The following KIAA1217 variants were observed in gnomAD, a reference collection of about 807,000 sequenced individuals.
KIAA1217 encodes KIAA1217.
A neutral mutation model predicts 163.9 loss-of-function variants in KIAA1217; 88 were observed. The observed-to-expected ratio is 0.54, with a 90% CI of 0.45 to 0.64. KIAA1217 has a LOEUF of 0.64. Among genes scored for constraint, KIAA1217 ranks in the 30% least tolerant of loss-of-function variants. The pLI is 0.00. For missense variants in KIAA1217, 2,372 were observed against 2,475.0 expected (o/e 0.96, Z 0.88); for synonymous variants, 903 against 923.1 (o/e 0.98, Z 0.39).
At chr10:24,180,995 T>G (rs896761372) in intron 2 of KIAA1217, among the ~76,000 whole-genome samples, 1 of 152,230 alleles carries the variant, frequency 6.6e-6, no homozygotes, top group African/African-American at 2.4e-5. Flanking sequence ...TTCCTCTGTA[T>G]AGTGAAGTTT....
At chr10:23,817,684 G>C (rs937888817) in intron 1 of KIAA1217, among the ~76,000 whole-genome samples, 1 of 152,018 alleles carries the variant, frequency 6.6e-6, no homozygotes, top group African/African-American at 2.4e-5. Flanking sequence ...ACAGGTTTTT[G>C]AGAGAAGAAA....
In KIAA1217 at chr10:24,227,528, A is replaced by G. The variant is rs575220012; in HGVS notation, c.354+7619A>G. Among the ~76,000 whole-genome samples, 5 of 148,698 alleles carry G rather than the reference A, an allele frequency of 3.4e-5. No homozygotes were observed. In the East Asian group the frequency reaches 1.0e-3, roughly 30 times the overall value. On this transcript the variant is annotated intron_variant, in intron 2 of 20. Transcript: ENST00000376454. Reference sequence around the variant, plus strand: ...AGATAAGAAAATGAACACCAATATGAGCACTTTTTTTTTCTTTTTTTTGAG... The same window carrying G: ...AGATAAGAAAATGAACACCAATATGGGCACTTTTTTTTTCTTTTTTTTGAG...
chr10:24,141,172 A>G (rs1012618389), intron 2 of KIAA1217, among the ~76,000 whole-genome samples: 4 of 147,196 alleles, frequency 2.7e-5, no homozygotes, highest in Non-Finnish European at 6.0e-5. Context: ...GAATCCCCTT[A>G]TTTCTGGCTC....
intron 2 of KIAA1217, among the ~76,000 whole-genome samples, chr10:24,358,970 A>G (rs11014053): frequency 0.39 from 59,824 of 151,908 alleles, 12,767 homozygotes; most frequent in Middle Eastern, 0.48. Flanking sequence ...CATTGGCCAC[A>G]TAGTACCTGA....
At chr10:24,184,122 A>G (rs2066310913) in intron 2 of KIAA1217, among the ~76,000 whole-genome samples, 2 of 152,234 alleles carry the variant, frequency 1.3e-5, no homozygotes, top group Admixed American at 1.3e-4. Context: ...TTAGCTTTCA[A>G]CAGAGCCAGT....
At chr10:24,003,789 G>A (rs1468256070) in intron 1 of KIAA1217, among the ~76,000 whole-genome samples, 1 of 152,052 alleles carries the variant, frequency 6.6e-6, no homozygotes, top group African/African-American at 2.4e-5. Flanking sequence ...AGTCAAACAG[G>A]AAAATTGTGT....
At chr10:24,355,227 G>A (rs1011172281) in intron 2 of KIAA1217, among the ~76,000 whole-genome samples, 5 of 152,304 alleles carry the variant, frequency 3.3e-5, no homozygotes, top group Admixed American at 1.3e-4. Flanking sequence ...CCTCAGGATA[G>A]CAAGTCTCAC....
At chr10:24,097,333 C>G (rs552527444) in intron 2 of KIAA1217, among the ~76,000 whole-genome samples, 1 of 152,262 alleles carries the variant, frequency 6.6e-6, no homozygotes, top group African/African-American at 2.4e-5. Flanking sequence ...AGGAAGATCC[C>G]TTGAGCCTGG....
intron 1 of KIAA1217, among the ~76,000 whole-genome samples, chr10:23,834,760 G>A (rs1444621747): frequency 1.3e-5 from 2 of 152,094 alleles, no homozygotes; most frequent in African/African-American, 4.8e-5. Context: ...GAAGAATCAA[G>A]GACAACTCCA....
chr10:23,893,023 A>T (rs1841483435), intron 1 of KIAA1217, among the ~76,000 whole-genome samples: 2 of 151,656 alleles, frequency 1.3e-5, no homozygotes, highest in Admixed American at 6.6e-5. Flanking sequence ...GTTAGGGAGG[A>T]TTCTCTCTTT....
intron 1 of KIAA1217, among the ~76,000 whole-genome samples, chr10:23,866,853 T>C (rs921059452): frequency 3.3e-5 from 5 of 152,038 alleles, no homozygotes; most frequent in Non-Finnish European, 7.4e-5. Flanking sequence ...CTTTTTTTCT[T>C]TTATTATTAT....
At chr10:23,821,820 T>A (rs958099827) in intron 1 of KIAA1217, among the ~76,000 whole-genome samples, 1 of 152,242 alleles carries the variant, frequency 6.6e-6, no homozygotes, top group Admixed American at 6.5e-5. Flanking sequence ...CATGGTGTTC[T>A]GCAGTTCAAA....
intron 4 of KIAA1217, among the ~76,000 whole-genome samples, chr10:24,437,330 T>C (rs2060125952): frequency 6.6e-6 from 1 of 152,242 alleles, no homozygotes. Flanking sequence ...AAGCTTGGGC[T>C]AGTCATTGCT....
intron 1 of KIAA1217, among the ~76,000 whole-genome samples, chr10:23,934,619 A>ATTTTT (rs1219984756): frequency 1.5e-5 from 1 of 64,670 alleles, no homozygotes; most frequent in Non-Finnish European, 2.7e-5. Context: ...ATATATATAT[A>ATTTTT]TATATATTTT....
chr10:23,883,876 A>G (rs773761438), intron 1 of KIAA1217, among the ~76,000 whole-genome samples: 13 of 151,944 alleles, frequency 8.6e-5, no homozygotes, highest in Non-Finnish European at 1.5e-4. Flanking sequence ...ATCGCATTGT[A>G]TGTCTCTGAC....
At chr10:24,097,682 C>T (rs2062216770) in intron 2 of KIAA1217, among the ~76,000 whole-genome samples, 1 of 152,124 alleles carries the variant, frequency 6.6e-6, no homozygotes, top group African/African-American at 2.4e-5. Flanking sequence ...TAAATTGTCA[C>T]GGTGATGGAG....
Position 24,545,034 on chromosome 10 carries a change from G to A in KIAA1217, c.5265G>A (p.Lys1755=), listed in dbSNP as rs761601784. ...GGATGCCTGTCCCCATGAGTGCCAA[G>A]AACAGACCCGGAACCCTGGACAAAC... ...TSRMPVPMSA[K]NRPGTLDKPG... Residue 1755 remains lysine (K), a synonymous_variant, in exon 20 of 21, where the codon AAG becomes AAA. Transcript: ENST00000376454. The A allele has an allele frequency of 6.2e-7, 1 of 1,614,088 alleles. No individual in the cohort carries two copies. Among genetic ancestry groups the A allele is most frequent in the East Asian group, 2.2e-5 (1 of 44,880 alleles).
intron 5 of KIAA1217, among the ~76,000 whole-genome samples, chr10:24,445,478 C>T (rs1238086645): frequency 6.6e-6 from 1 of 150,910 alleles, no homozygotes; most frequent in African/African-American, 2.4e-5. Context: ...GTGTGCTGCA[C>T]CCATTAACTC....
chr10:24,257,821 C>T (rs980553532), intron 2 of KIAA1217, among the ~76,000 whole-genome samples: 4 of 152,138 alleles, frequency 2.6e-5, no homozygotes, highest in Non-Finnish European at 4.4e-5. Context: ...GGCGGGATAA[C>T]GTAGCAGTCC....
Sources: gnomAD v4.1 joint callset for allele counts (sites outside exome capture counted in the v4.1 genomes callset) on GRCh38, gnomAD v4.1.1 for gene constraint, MANE v1.5 for transcripts, NCBI Gene and HGNC (gene_info 2026-07-23, HGNC 2026-07-21) for gene names.